The following SBF2 variants were observed in gnomAD, a reference collection of about 807,000 sequenced individuals.
SBF2 encodes the protein myotubularin-related protein 13.
In SBF2, 112 loss-of-function variants were observed where a neutral mutation model predicts 225.2. That is an observed-to-expected ratio of 0.50 (90% CI 0.43 to 0.58). SBF2 has a LOEUF of 0.58. Among genes scored for constraint, SBF2 ranks in the 20% least tolerant of loss-of-function variants. The pLI is 0.00. For synonymous variants in SBF2, 763 were observed against 773.3 expected (o/e 0.99, Z 0.22); for missense variants, 1,996 against 2,206.2 (o/e 0.90, Z 1.91).
At chr11:9,918,808 G>A (rs1001278685) in intron 16 of SBF2, among the ~76,000 whole-genome samples, 3 of 151,472 alleles carry the variant, frequency 2.0e-5, no homozygotes, top group Non-Finnish European at 4.4e-5. Flanking sequence ...GCGTGATCTC[G>A]GCTCGCTGCA....
Position 9,790,574 on chromosome 11 carries a change from A to G in SBF2, c.4680T>C (p.Tyr1560=), listed in dbSNP as rs1381993926. The stretch of plus-strand genomic sequence containing the variant: ...ACTCTACCTCTATTTCCAATGGTGA[A>G]TATAAATAATTAAAGAAAATGGGAC... ...KRSPIFFNYL[Y]SPLEIEALKP... Residue 1560 remains tyrosine (Y), a synonymous_variant, in exon 34 of 40, where the codon TAT becomes TAC. Coordinates refer to ENST00000256190, the MANE Select transcript of SBF2 (RefSeq NM_030962.4). 1.9e-6 allele frequency: 3 copies of G among 1,583,940 alleles called. No homozygotes were observed. In the South Asian group the frequency reaches 3.4e-5, roughly 18 times the overall value.
At chr11:10,152,950 G>A (rs1321317034) in intron 2 of SBF2, among the ~76,000 whole-genome samples, 1 of 152,174 alleles carries the variant, frequency 6.6e-6, no homozygotes, top group Non-Finnish European at 1.5e-5. Context: ...AATAAAACAT[G>A]GCTGAAATAC....
intron 1 of SBF2, among the ~76,000 whole-genome samples, chr11:10,238,740 C>CT (rs1423177705): frequency 7.3e-5 from 11 of 150,686 alleles, no homozygotes; most frequent in African/African-American, 2.7e-4. Flanking sequence ...TGGTGAAACT[C>CT]TGTCTCTACA....
chr11:10,006,997 T>C (rs1223121946), intron 6 of SBF2, among the ~76,000 whole-genome samples: 1 of 152,156 alleles, frequency 6.6e-6, no homozygotes. Flanking sequence ...AAGAGACCCA[T>C]ACGACAGACA....
chr11:9,803,477 C>A lies in SBF2; in HGVS notation c.4443+4523G>T, dbSNP rs528265119. On this transcript the variant is annotated intron_variant, in intron 32 of 39. Transcript: ENST00000256190. ...TCTAGACCTCTCCCACTCCTCCCCC[C>A]CAGCCCCATCCCCAATAATAAAATA... is the stretch of plus-strand genomic sequence containing the variant. Among the ~76,000 whole-genome samples, 4 of 152,254 alleles carry A rather than the reference C, an allele frequency of 2.6e-5. No individual in the cohort carries two copies. In the East Asian group the frequency reaches 5.8e-4, roughly 22 times the overall value.
intron 1 of SBF2, among the ~76,000 whole-genome samples, chr11:10,299,591 A>G (rs920573020): frequency 1.3e-5 from 2 of 152,212 alleles, no homozygotes; most frequent in African/African-American, 4.8e-5. Context: ...GGAGAATTTC[A>G]AAACAGCTTC....
At chr11:10,032,580 AAT>A (rs1300634892) in intron 3 of SBF2, among the ~76,000 whole-genome samples, 4 of 152,172 alleles carry the variant, frequency 2.6e-5, no homozygotes, top group Admixed American at 1.3e-4. Context: ...TTTTGCTGAC[AAT>A]GTTATTTAAA....
chr11:10,017,860 T>A (rs528553630), intron 6 of SBF2, among the ~76,000 whole-genome samples: 1 of 152,276 alleles, frequency 6.6e-6, no homozygotes, highest in East Asian at 1.9e-4. Context: ...ACCAAAACTG[T>A]GTAAAAAGGT....
chr11:10,015,215 A>T (rs1418751371), intron 6 of SBF2, among the ~76,000 whole-genome samples: 1 of 152,168 alleles, frequency 6.6e-6, no homozygotes, highest in Non-Finnish European at 1.5e-5. Context: ...ATTATGTAAA[A>T]TATTGTTATA....
chr11:9,937,793 C>A (rs1475923071), intron 16 of SBF2, among the ~76,000 whole-genome samples: 2 of 151,854 alleles, frequency 1.3e-5, no homozygotes, highest in Non-Finnish European at 1.5e-5. Context: ...TATGTAAAAG[C>A]AATAGTTTTG....
chr11:9,885,259 A>AAAAC (rs1860174906), intron 17 of SBF2, among the ~76,000 whole-genome samples: 3 of 149,510 alleles, frequency 2.0e-5, no homozygotes, highest in African/African-American at 7.4e-5. Context: ...TCCAAAAAAA[A>AAAAC]AAAAAAAAAA....
At chr11:10,162,283 A>C (rs2278628) in intron 2 of SBF2, among the ~76,000 whole-genome samples, 4 of 152,062 alleles carry the variant, frequency 2.6e-5, no homozygotes, top group African/African-American at 9.6e-5. Context: ...GTTGAATATA[A>C]GCCTCAGTGG....
intron 16 of SBF2, among the ~76,000 whole-genome samples, chr11:9,952,952 C>T (rs1014158023): frequency 2.0e-5 from 3 of 152,286 alleles, no homozygotes; most frequent in Admixed American, 6.5e-5. Context: ...ACCAGTACAA[C>T]CACTGTGGAA....
At chr11:10,250,103 A>C (rs1316287218) in intron 1 of SBF2, among the ~76,000 whole-genome samples, 1 of 152,144 alleles carries the variant, frequency 6.6e-6, no homozygotes, top group Non-Finnish European at 1.5e-5. Flanking sequence ...TAAGTTTTAT[A>C]CACCATAGAA....
chr11:10,115,688 A>C (rs1341518639), intron 2 of SBF2, among the ~76,000 whole-genome samples: 5 of 152,220 alleles, frequency 3.3e-5, no homozygotes, highest in African/African-American at 1.2e-4. Context: ...CTAATCTACG[A>C]GACACATAAT....
chr11:10,230,651 T>C (rs1958801955), intron 1 of SBF2, among the ~76,000 whole-genome samples: 1 of 152,240 alleles, frequency 6.6e-6, no homozygotes, highest in Admixed American at 6.5e-5. Context: ...CAGTTTCTTT[T>C]GGCTTGTAGA....
chr11:10,261,713 G>A (rs948482035), intron 1 of SBF2, among the ~76,000 whole-genome samples: 3 of 152,120 alleles, frequency 2.0e-5, no homozygotes, highest in Non-Finnish European at 4.4e-5. Context: ...GCCAAACACT[G>A]GAAACAGTCC....
chr11:10,193,252 T>C (rs577573628), intron 2 of SBF2, among the ~76,000 whole-genome samples: 3 of 148,580 alleles, frequency 2.0e-5, no homozygotes, highest in African/African-American at 5.0e-5. Context: ...AAAAAAAAAA[T>C]ATATATATGT....
In SBF2 at chr11:9,786,684, C is replaced by CT. The variant is rs201954690; in HGVS notation, c.5037+949dup. On this transcript the variant is annotated intron_variant, in intron 36 of 39. Transcript: ENST00000256190. ...TCTGATGTGGGTTCGATTGGTGGCT[C>CT]TACCAGTTGCCACTGTATGCTCTCT... Among the ~76,000 whole-genome samples the CT allele has an allele frequency of 7.9e-5, 12 of 152,290 alleles. No homozygotes were observed. In the East Asian group the frequency reaches 2.1e-3, roughly 27 times the overall value.
Sources: gnomAD v4.1 joint callset for allele counts (sites outside exome capture counted in the v4.1 genomes callset) on GRCh38, gnomAD v4.1.1 for gene constraint, MANE v1.5 for transcripts, NCBI Gene and HGNC (gene_info 2026-07-23, HGNC 2026-07-21) for gene names.